LOXHD1: variants seen among roughly 807,000 people sequenced by gnomAD.
LOXHD1 encodes lipoxygenase homology domain-containing protein 1.
A neutral mutation model predicts 248.2 loss-of-function variants in LOXHD1; 205 were observed. The ratio of observed to expected loss-of-function variants is 0.83; its 90% CI spans 0.74 to 0.93. The LOEUF is 0.93. Among genes scored for constraint, LOXHD1 ranks in the 40% least tolerant of loss-of-function variants. The pLI is 0.00. For missense variants in LOXHD1, 2,930 were observed against 2,971.6 expected, an observed-to-expected ratio of 0.99 and a Z score of 0.33; for synonymous variants, 1,113 against 1,162.8, an observed-to-expected ratio of 0.96 and a Z score of 0.87.
At chr18:46,532,565 G>C (rs1487490828) in intron 28 of LOXHD1, among the ~76,000 whole-genome samples, 2 of 148,126 alleles carry the variant, frequency 1.4e-5, no homozygotes, top group African/African-American at 5.0e-5. Context: ...CAAAAGCAAA[G>C]GAGGAGGAAG....
rs1327686203 is a variant in LOXHD1, at chr18:46,533,314, G to T, written c.4223C>A (p.Thr1408Asn). ...RLLPDKDGAE[T>N]LTFPCDRWLA... Reference sequence around the variant, plus strand: ...CCACCGATCGCATGGGAAAGTCAAGGTCTCTGCACCCTGGGGTGAGGCAGA... The same window carrying T: ...CCACCGATCGCATGGGAAAGTCAAGTTCTCTGCACCCTGGGGTGAGGCAGA... Residue 1408 changes from threonine to asparagine, a missense_variant, in exon 28 of 41, where the codon ACC (threonine) becomes AAC (asparagine). Transcript: ENST00000642948. The T allele has an allele frequency of 1.9e-6, 3 of 1,551,812 alleles. No homozygotes were observed. Among genetic ancestry groups the T allele is most frequent in the Middle Eastern group, 1.7e-4 (1 of 5,992 alleles).
chr18:46,505,186 C>CTT (rs34975318), intron 37 of LOXHD1, among the ~76,000 whole-genome samples: 14 of 145,222 alleles, frequency 9.6e-5, no homozygotes, highest in South Asian at 2.2e-4. Context: ...ATAATCCCTT[C>CTT]TTTTTTTTTT....
In LOXHD1 at chr18:46,518,263, T is replaced by C. The variant is rs2035373468; in HGVS notation, c.5272-7A>G. ...CCGTCATTTCATAGAGAACCTGCCA[T>C]GAGAGGAATGCAGGTGCTGAGTCTC... On this transcript the variant is annotated splice_polypyrimidine_tract_variant and splice_region_variant and intron_variant, in intron 33 of 40. Coordinates refer to ENST00000642948, the MANE Select transcript of LOXHD1 (RefSeq NM_001384474.1). 3 of 1,550,938 alleles carry C rather than the reference T, an allele frequency of 1.9e-6. No homozygotes were observed. The highest frequency in any genetic ancestry group is 2.6e-6 in the Non-Finnish European group (3 of 1,146,322).
chr18:46,483,790 G>A (rs1435643624), intron 39 of LOXHD1, 45 bp from the exon 40 acceptor site: 2 of 1,536,722 alleles, frequency 1.3e-6, no homozygotes, highest in South Asian at 2.4e-5. Flanking sequence ...TTTGCCCACT[G>A]AAGCAGGTAA....
chr18:46,480,197 T>G (rs1329214960), intron 40 of LOXHD1, among the ~76,000 whole-genome samples: 2 of 152,244 alleles, frequency 1.3e-5, no homozygotes, highest in African/African-American at 4.8e-5. Context: ...TACATACTTT[T>G]CTAAACGTAC....
At chr18:46,652,102 C>A (rs1472717163) in intron 1 of LOXHD1, among the ~76,000 whole-genome samples, 1 of 152,198 alleles carries the variant, frequency 6.6e-6, no homozygotes, top group Non-Finnish European at 1.5e-5. Context: ...CTCTCAAGTG[C>A]ATTCTATGCA....
intron 21 of LOXHD1, among the ~76,000 whole-genome samples, chr18:46,549,793 A>G (rs898032532): frequency 6.6e-6 from 1 of 152,270 alleles, no homozygotes; most frequent in Non-Finnish European, 1.5e-5. Context: ...TTTAATTATT[A>G]AGGATCTTAT....
At chr18:46,603,242 C>T (rs1000966699) in intron 7 of LOXHD1, among the ~76,000 whole-genome samples, 2 of 151,822 alleles carry the variant, frequency 1.3e-5, no homozygotes, top group East Asian at 3.9e-4. Flanking sequence ...GAGGAGAAGG[C>T]AGGTTCCGAG....
At chr18:46,519,206 A>T (rs1251922130) in intron 33 of LOXHD1, 1 of 563,946 alleles carries the variant, frequency 1.8e-6, no homozygotes. Context: ...AAGGTTCAGG[A>T]GAGGCTCAGA....
intron 8 of LOXHD1, among the ~76,000 whole-genome samples, chr18:46,597,361 A>G (rs1445701995): frequency 6.6e-6 from 1 of 152,212 alleles, no homozygotes; most frequent in Non-Finnish European, 1.5e-5. Context: ...ATATAAGCAG[A>G]CTAAATTTGC....
At chr18:46,616,721 C>A (rs189203888) in intron 5 of LOXHD1, among the ~76,000 whole-genome samples, 18 of 152,230 alleles carry the variant, frequency 1.2e-4, no homozygotes, top group African/African-American at 4.3e-4. Context: ...GGAATGATAA[C>A]CTAGCTGGTA....
chr18:46,548,406 C>G (rs1289608282), intron 21 of LOXHD1, among the ~76,000 whole-genome samples: 1 of 152,096 alleles, frequency 6.6e-6, no homozygotes, highest in Non-Finnish European at 1.5e-5. Context: ...GTTAGAGGAG[C>G]AGAACCAGAG....
Position 46,572,107 on chromosome 18 carries a change from C to A in LOXHD1, c.2026G>T (p.Asp676Tyr). 4 of 1,551,860 alleles carry A rather than the reference C, an allele frequency of 2.6e-6. No individual in the cohort carries two copies. The highest frequency in any genetic ancestry group is 3.5e-6 in the Non-Finnish European group (4 of 1,147,038). Residue 676 changes from aspartate to tyrosine, a missense_variant, in exon 15 of 41, where the codon GAC (aspartate) becomes TAC (tyrosine). Asp to Tyr is a radical substitution (Grantham distance 160). Coordinates refer to ENST00000642948, the MANE Select transcript of LOXHD1 (RefSeq NM_001384474.1). ...TCACTCTTCAGTGTCGCGCTGCTGT[C>A]ACTGGGTAGCAACTCTCGGACCAGC... The part of the protein sequence containing the change: ...GQLVRELLPS[D>Y]SSATLKNFRY...
chr18:46,563,041 C>A, intron 18 of LOXHD1, 24 bp downstream of exon 18: 2 of 1,523,094 alleles, frequency 1.3e-6, no homozygotes, highest in Non-Finnish European at 1.8e-6. Context: ...GCTGTTGGCA[C>A]CCCCGCTCCT....
intron 6 of LOXHD1, among the ~76,000 whole-genome samples, chr18:46,607,351 A>G (rs1372326884): frequency 1.4e-5 from 2 of 147,990 alleles, no homozygotes; most frequent in African/African-American, 5.1e-5. Context: ...GTACATATAC[A>G]TACATATATA....
intron 37 of LOXHD1, among the ~76,000 whole-genome samples, chr18:46,489,418 G>T (rs910097273): frequency 6.6e-6 from 1 of 152,162 alleles, no homozygotes; most frequent in South Asian, 2.1e-4. Flanking sequence ...ATGACCCCAA[G>T]AAATTGTGCT....
intron 21 of LOXHD1, among the ~76,000 whole-genome samples, chr18:46,548,950 C>T (rs934230985): frequency 1.1e-4 from 16 of 152,188 alleles, no homozygotes; most frequent in African/African-American, 2.9e-4. Context: ...GAGAGCAGCA[C>T]GTCTCCTCTC....
chr18:46,560,048 T>TA, intron 19 of LOXHD1, 35 bp downstream of exon 19: 1 of 1,226,298 alleles, frequency 8.2e-7, no homozygotes. Flanking sequence ...GTCTGGCCAC[T>TA]CCCTCCCCAC....
intron 21 of LOXHD1, among the ~76,000 whole-genome samples, chr18:46,555,601 G>T (rs1391614429): frequency 6.6e-6 from 1 of 152,102 alleles, no homozygotes; most frequent in Non-Finnish European, 1.5e-5. Context: ...TTGATAGGGT[G>T]CCCATTACAT....
Sources: gnomAD v4.1 joint callset for allele counts (sites outside exome capture counted in the v4.1 genomes callset) on GRCh38, gnomAD v4.1.1 for gene constraint, MANE v1.5 for transcripts, NCBI Gene and HGNC (gene_info 2026-07-23, HGNC 2026-07-21) for gene names.